Variants in WDFY2 observed in about 807,000 individuals in gnomAD.
The protein encoded by WDFY2 is WD repeat and FYVE domain-containing protein 2.
Under a neutral mutation model 56.4 loss-of-function variants are expected in WDFY2, and 36 were observed. The observed-to-expected ratio is 0.64, with a 90% CI of 0.49 to 0.84. The LOEUF is 0.84. WDFY2 is among the 40% of genes least tolerant of loss of function. The probability of loss-of-function intolerance (pLI) is 0.00; values close to 1 mark genes in which losing one functional copy is unlikely to be tolerated. For synonymous variants in WDFY2, 176 were observed against 183.7 expected (o/e 0.96, Z 0.34); for missense variants, 444 against 512.2 (o/e 0.87, Z 1.29).
At chr13:51,652,980 G>C (rs950372627) in intron 1 of WDFY2, among the ~76,000 whole-genome samples, 1 of 152,150 alleles carries the variant, frequency 6.6e-6, no homozygotes, top group African/African-American at 2.4e-5. Flanking sequence ...AGTTCTCCTG[G>C]ATAATATCCT....
chr13:51,657,349 C>T (rs557976512), intron 1 of WDFY2, among the ~76,000 whole-genome samples: 4 of 152,148 alleles, frequency 2.6e-5, no homozygotes, highest in Non-Finnish European at 4.4e-5. Context: ...TATATTTACT[C>T]GTGTGGTGAC....
intron 2 of WDFY2, among the ~76,000 whole-genome samples, chr13:51,669,420 A>G (rs1206351896): frequency 6.6e-6 from 1 of 152,228 alleles, no homozygotes; most frequent in Non-Finnish European, 1.5e-5. Flanking sequence ...AGTCAGATCT[A>G]AAGTCTTGAT....
intron 8 of WDFY2, among the ~76,000 whole-genome samples, chr13:51,752,537 T>G (rs1953261808): frequency 6.6e-6 from 1 of 152,060 alleles, no homozygotes; most frequent in Non-Finnish European, 1.5e-5. Context: ...TTCTGGGCCC[T>G]CCTAACCAAA....
intron 4 of WDFY2, among the ~76,000 whole-genome samples, chr13:51,718,559 T>TACACACACACACACAC (rs71192015): frequency 5.0e-5 from 7 of 138,756 alleles, no homozygotes; most frequent in African/African-American, 8.0e-5. Flanking sequence ...TTATCATTCA[T>TACACACACACACACAC]ACACACACAC....
At chr13:51,715,341 G>GT (rs1952320405) in intron 4 of WDFY2, among the ~76,000 whole-genome samples, 1 of 151,812 alleles carries the variant, frequency 6.6e-6, no homozygotes. Context: ...TATTCTCTAG[G>GT]TTTTTTGGTT....
chr13:51,598,657 G>T (rs573588814), intron 1 of WDFY2: 5 of 152,242 alleles, frequency 3.3e-5, no homozygotes, highest in Admixed American at 2.0e-4. Context: ...TCGGAAATGG[G>T]TTTATCTTGT....
At chr13:51,759,003 G>A (rs1052681111) in intron 11 of WDFY2, among the ~76,000 whole-genome samples, 3 of 152,122 alleles carry the variant, frequency 2.0e-5, no homozygotes, top group East Asian at 3.9e-4. Flanking sequence ...CCACCATAGT[G>A]TGACCCTGTC....
At chr13:51,680,844 C>A (rs982446184) in intron 3 of WDFY2, among the ~76,000 whole-genome samples, 9 of 152,136 alleles carry the variant, frequency 5.9e-5, no homozygotes, top group Non-Finnish European at 1.0e-4. Context: ...GAGCCCTAGA[C>A]AAATTTTCTT....
chr13:51,698,278 A>G (rs1295101854), intron 3 of WDFY2, among the ~76,000 whole-genome samples: 1 of 152,246 alleles, frequency 6.6e-6, no homozygotes, highest in Non-Finnish European at 1.5e-5. Context: ...GAATATTAGC[A>G]TATCAAATCC....
chr13:51,752,824 A>G (rs1183348712), intron 8 of WDFY2: 1 of 152,232 alleles, frequency 6.6e-6, no homozygotes, highest in African/African-American at 2.4e-5. Context: ...TATCATTTTT[A>G]TAAACATAAA....
At chr13:51,732,296 A>T (rs962442478) in intron 6 of WDFY2, among the ~76,000 whole-genome samples, 6 of 152,018 alleles carry the variant, frequency 3.9e-5, no homozygotes, top group African/African-American at 1.5e-4. Context: ...ATGGCCGACT[A>T]ATTTTTGTAT....
At chr13:51,669,797 T>G (rs1004784038) in intron 2 of WDFY2, among the ~76,000 whole-genome samples, 2 of 152,214 alleles carry the variant, frequency 1.3e-5, no homozygotes, top group Non-Finnish European at 2.9e-5. Flanking sequence ...TGAGAAGTCT[T>G]GGCAAATGGC....
chr13:51,681,383 C>T (rs988949934), intron 3 of WDFY2, among the ~76,000 whole-genome samples: 1 of 152,086 alleles, frequency 6.6e-6, no homozygotes. Flanking sequence ...ATCATGTGGG[C>T]ATAGAAGGTG....
At chr13:51,750,239 G>A (rs752186432) in intron 7 of WDFY2, among the ~76,000 whole-genome samples, 1 of 152,088 alleles carries the variant, frequency 6.6e-6, no homozygotes, top group Non-Finnish European at 1.5e-5. Context: ...ACTTATAAAA[G>A]CACTTGTTTA....
At chr13:51,645,707 G>C (rs1037770109) in intron 1 of WDFY2, among the ~76,000 whole-genome samples, 3 of 152,140 alleles carry the variant, frequency 2.0e-5, no homozygotes, top group Non-Finnish European at 4.4e-5. Flanking sequence ...CTGCCTCTCT[G>C]CTGGCTTGTG....
chr13:51,591,327 T>C (rs947371776), intron 1 of WDFY2: 7 of 152,214 alleles, frequency 4.6e-5, no homozygotes, highest in Admixed American at 3.9e-4. Context: ...TATTTATTCC[T>C]GGATGAAATA....
chr13:51,691,609 A>G (rs1956158758), intron 3 of WDFY2, among the ~76,000 whole-genome samples: 1 of 152,026 alleles, frequency 6.6e-6, no homozygotes, highest in African/African-American at 2.4e-5. Flanking sequence ...GCCTTGTAGT[A>G]TAGTTTGGAG....
At position 51,654,046 on chromosome 13, in the gene WDFY2, C is replaced by T. The variant is rs1349180758; in HGVS notation, c.138-6550C>T. Among the ~76,000 whole-genome samples, 5 of 152,210 alleles carry T rather than the reference C, an allele frequency of 3.3e-5. No individual in the cohort carries two copies. The East Asian group carries it at 9.7e-4, about 29-fold the overall frequency. ...AGACGCCTCCTTGAGCTGTGGTGGG[C>T]TTCACCCAGTTTGAGCTTCCTGGCC... is the stretch of plus-strand genomic sequence containing the variant. On this transcript the variant is annotated intron_variant, in intron 1 of 11. Transcript: ENST00000298125.
intron 7 of WDFY2, among the ~76,000 whole-genome samples, chr13:51,750,376 T>C (rs1174873418): frequency 1.3e-5 from 2 of 152,078 alleles, no homozygotes; most frequent in Non-Finnish European, 2.9e-5. Context: ...TATAAACACA[T>C]AGACACACAC....
Sources: gnomAD v4.1 joint callset for allele counts (sites outside exome capture counted in the v4.1 genomes callset) on GRCh38, gnomAD v4.1.1 for gene constraint, MANE v1.5 for transcripts, NCBI Gene and HGNC (gene_info 2026-07-23, HGNC 2026-07-21) for gene names.